The following CDKN3 variants were observed in gnomAD, a reference collection of about 807,000 sequenced individuals.
The protein encoded by CDKN3 is cyclin dependent kinase inhibitor 3.
Under a neutral mutation model 36.1 loss-of-function variants are expected in CDKN3, and 19 were observed. That is an observed-to-expected ratio of 0.53 (90% CI 0.37 to 0.77). The LOEUF (loss-of-function observed/expected upper bound fraction) is 0.77, where lower values mean the gene tolerates loss of function less well. CDKN3 is among the 30% of genes least tolerant of loss of function. The probability of loss-of-function intolerance (pLI) is 0.00; values close to 1 mark genes in which losing one functional copy is unlikely to be tolerated. For synonymous variants in CDKN3, 71 were observed against 85.3 expected (o/e 0.83, Z 0.92); for missense variants, 188 against 248.6 (o/e 0.76, Z 1.64).
At chr14:54,399,850 A>G (rs111818863) in intron 1 of CDKN3, 44 bp from the exon 2 acceptor site, 11 of 1,022,648 alleles carry the variant, frequency 1.1e-5, no homozygotes, top group African/African-American at 4.7e-5. Flanking sequence ...CTAAAACTAC[A>G]AAAAAATTCT....
intron 1 of CDKN3, 67 bp downstream of exon 1, chr14:54,397,144 A>T: frequency 7.1e-7 from 1 of 1,408,826 alleles, no homozygotes; most frequent in South Asian, 1.5e-5. Flanking sequence ...CGGGGACCCG[A>T]TCCTGGGCCG....
intron 1 of CDKN3, among the ~76,000 whole-genome samples, chr14:54,397,869 G>A (rs747613247): frequency 2.6e-5 from 4 of 152,162 alleles, no homozygotes; most frequent in Non-Finnish European, 5.9e-5. Flanking sequence ...GGTGTCTCGC[G>A]CCTGTAATCC....
At chr14:54,407,393 C>T (rs1216615663) in intron 3 of CDKN3, among the ~76,000 whole-genome samples, 1 of 152,250 alleles carries the variant, frequency 6.6e-6, no homozygotes, top group African/African-American at 2.4e-5. Context: ...ATCTGTTGCT[C>T]TCTTCGGAGC....
rs1235911352 is a variant in CDKN3, at chr14:54,406,682, G to A, written c.149-2063G>A. ...CGAAGTTCTCCTGCTGTGTTTTTCA[G>A]CTCCATCAGGTCATTTATGTTCTTC... On this transcript the variant is annotated intron_variant, in intron 3 of 7. Coordinates refer to ENST00000335183, the MANE Select transcript of CDKN3 (RefSeq NM_005192.4). Among the ~76,000 whole-genome samples, 4 of 151,822 alleles carry A rather than the reference G, an allele frequency of 2.6e-5. No individual in the cohort carries two copies. The East Asian group carries it at 7.8e-4, about 29-fold the overall frequency.
intron 3 of CDKN3, among the ~76,000 whole-genome samples, chr14:54,406,875 T>G (rs2030176313): frequency 6.6e-6 from 1 of 152,138 alleles, no homozygotes; most frequent in Non-Finnish European, 1.5e-5. Context: ...TCCAGTTTTG[T>G]TCCCTTGCTG....
intron 3 of CDKN3, 127 bp downstream of exon 3, chr14:54,401,706 GA>G: frequency 1.5e-6 from 1 of 649,738 alleles, no homozygotes; most frequent in Non-Finnish European, 2.6e-6. Flanking sequence ...GGCAATTTCT[GA>G]AATTTTGGTG....
chr14:54,411,175 TCA>T (rs2030337344), intron 4 of CDKN3: 1 of 109,764 alleles, frequency 9.1e-6, no homozygotes, highest in South Asian at 6.7e-5. Flanking sequence ...AGACTCCATC[TCA>T]AAAAAAAAAA....
intron 4 of CDKN3, chr14:54,411,207 T>C: frequency 3.3e-6 from 1 of 302,328 alleles, no homozygotes; most frequent in South Asian, 7.3e-5. Context: ...AGAGGGGGGG[T>C]TATTTTAAAG....
intron 6 of CDKN3, among the ~76,000 whole-genome samples, chr14:54,417,215 A>T (rs974689503): frequency 6.6e-6 from 1 of 152,244 alleles, no homozygotes; most frequent in Non-Finnish European, 1.5e-5. Flanking sequence ...TTATAGCAGC[A>T]TTAATCATAA....
At chr14:54,410,454 G>C (rs916153204) in intron 4 of CDKN3, among the ~76,000 whole-genome samples, 8 of 152,156 alleles carry the variant, frequency 5.3e-5, no homozygotes, top group Non-Finnish European at 7.3e-5. Context: ...AGATCATCCA[G>C]TTATTTATTT....
In CDKN3 at chr14:54,413,498, G is replaced by A. The variant is rs190298180; in HGVS notation, c.416+1792G>A. 1.5e-3 allele frequency: 1,210 copies of A among 783,756 alleles called. 9 individuals are homozygous for A. Among genetic ancestry groups the A allele is most frequent in the African/African-American group, 0.013 (783 of 58,162 alleles). 48.6% of individuals were successfully genotyped at this position (783,756 alleles called of 1,614,324 possible). A position where few individuals can be genotyped will look rare whatever the true frequency, so the allele number is the denominator to read the frequency against. ...GCAACCCAAATGCTCTGATGTTTGT[G>A]CAGAGTACAAACAGGATAGACAGTA... On this transcript the variant is annotated intron_variant, in intron 5 of 7. Coordinates refer to ENST00000335183, the MANE Select transcript of CDKN3 (RefSeq NM_005192.4).
chr14:54,410,597 C>T (rs761880510), intron 4 of CDKN3, among the ~76,000 whole-genome samples: 3 of 152,190 alleles, frequency 2.0e-5, no homozygotes, highest in Admixed American at 6.5e-5. Context: ...TATTTACTGG[C>T]GACCTAGTCT....
intron 3 of CDKN3, among the ~76,000 whole-genome samples, chr14:54,403,618 G>A (rs950231450): frequency 2.6e-5 from 4 of 152,118 alleles, no homozygotes; most frequent in African/African-American, 7.2e-5. Context: ...GTCTTATGAC[G>A]GTTTTCAAAG....
At chr14:54,416,818 A>G (rs4251656) in intron 6 of CDKN3, among the ~76,000 whole-genome samples, 3,668 of 152,274 alleles carry the variant, frequency 0.024, 154 homozygotes, top group African/African-American at 0.082. Flanking sequence ...GTCTCTCTCA[A>G]AAGAAAAAAT....
intron 7 of CDKN3, among the ~76,000 whole-genome samples, chr14:54,418,873 G>A (rs952491525): frequency 2.6e-5 from 4 of 152,002 alleles, no homozygotes; most frequent in African/African-American, 4.8e-5. Flanking sequence ...AAAATCAAAC[G>A]ATGCGGCCAG....
chr14:54,407,625 C>T (rs751562857), intron 3 of CDKN3, among the ~76,000 whole-genome samples: 3 of 152,220 alleles, frequency 2.0e-5, no homozygotes, highest in Non-Finnish European at 1.5e-5. Flanking sequence ...TTCAAACTTC[C>T]GACTGGCTTT....
intron 2 of CDKN3, among the ~76,000 whole-genome samples, chr14:54,400,236 T>A (rs1267492482): frequency 1.6e-4 from 8 of 49,504 alleles, no homozygotes; most frequent in Non-Finnish European, 3.1e-4. Flanking sequence ...CATTTACTCT[T>A]TATAAGACCC....
chr14:54,418,175 A>T, intron 7 of CDKN3: 1 of 703,556 alleles, frequency 1.4e-6, no homozygotes, highest in Non-Finnish European at 2.6e-6. Flanking sequence ...ATTTCAAACA[A>T]GATAATGAAA....
At chr14:54,404,179 G>A (rs1277647886) in intron 3 of CDKN3, among the ~76,000 whole-genome samples, 17 of 152,014 alleles carry the variant, frequency 1.1e-4, no homozygotes, top group Admixed American at 1.1e-3. Context: ...GCTTTTTTTG[G>A]TTGGTAGGCT....
Sources: allele counts gnomAD v4.1 joint callset (sites outside exome capture counted in the v4.1 genomes callset), GRCh38; gene constraint gnomAD v4.1.1; transcripts MANE v1.5; gene names NCBI Gene and HGNC (gene_info 2026-07-23, HGNC 2026-07-21).